Variants in DGKD observed in about 807,000 individuals in gnomAD.
The protein encoded by DGKD is diacylglycerol kinase delta, also known as DAG kinase delta.
Under a neutral mutation model 154.4 loss-of-function variants are expected in DGKD, and 68 were observed. That is an observed-to-expected ratio of 0.44 (90% CI 0.36 to 0.54). The LOEUF (loss-of-function observed/expected upper bound fraction) is 0.54, where lower values mean the gene tolerates loss of function less well. DGKD is among the 20% of genes least tolerant of loss of function. The pLI is 0.00. For synonymous variants in DGKD, 693 were observed against 638.0 expected (o/e 1.09, Z -1.30); for missense variants, 1,343 against 1,593.6 (o/e 0.84, Z 2.68).
At chr2:233,377,341 C>T (rs747598932) in intron 1 of DGKD, among the ~76,000 whole-genome samples, 3 of 152,224 alleles carry the variant, frequency 2.0e-5, no homozygotes, top group Non-Finnish European at 2.9e-5. Context: ...GCTTCGGCCT[C>T]CCAAAGTGCT....
At position 233,354,901 on chromosome 2, in the gene DGKD, G is replaced by T. The variant is rs1407382618; in HGVS notation, c.156+227G>T. On this transcript the variant is annotated intron_variant, in intron 1 of 29. Coordinates refer to ENST00000264057, the MANE Select transcript of DGKD (RefSeq NM_152879.3). The surrounding 1 kb of genome is among the most constrained non-coding windows in gnomAD (Gnocchi z 4.8). ...GGCGGGCGGCTGTGGGGCCGGGCGG[G>T]GGGCGCGCAGGTGGGCGCCCCGGGC... Among the ~76,000 whole-genome samples the T allele has an allele frequency of 1.4e-5, 2 of 145,158 alleles. No homozygotes were observed. The highest frequency in any genetic ancestry group is 6.8e-5 in the Admixed American group (1 of 14,686).
intron 3 of DGKD, among the ~76,000 whole-genome samples, chr2:233,400,342 T>A (rs1324328056): frequency 6.6e-6 from 1 of 152,172 alleles, no homozygotes; most frequent in African/African-American, 2.4e-5. Flanking sequence ...GCCAGGTCCC[T>A]CGGAGGGCAG....
intron 3 of DGKD, among the ~76,000 whole-genome samples, chr2:233,393,956 G>A (rs1417107309): frequency 6.6e-6 from 1 of 152,158 alleles, no homozygotes; most frequent in Non-Finnish European, 1.5e-5. Flanking sequence ...GATTACAGGT[G>A]TGAGCCACCT....
At chr2:233,400,918 G>A (rs146537049) in intron 3 of DGKD, among the ~76,000 whole-genome samples, 54 of 152,174 alleles carry the variant, frequency 3.5e-4, no homozygotes, top group African/African-American at 1.3e-3. Flanking sequence ...TTTATGCTAC[G>A]CGGTATTTCC....
chr2:233,456,601 G>A (rs1052629543), intron 19 of DGKD, among the ~76,000 whole-genome samples: 1 of 152,134 alleles, frequency 6.6e-6, no homozygotes, highest in African/African-American at 2.4e-5. Context: ...AAATCAGGAT[G>A]TGTAGAAGTT....
At chr2:233,409,868 G>T (rs1390747867) in intron 3 of DGKD, among the ~76,000 whole-genome samples, 1 of 149,766 alleles carries the variant, frequency 6.7e-6, no homozygotes, top group Admixed American at 6.7e-5. Flanking sequence ...GTGCAGAAGG[G>T]TTGGCCCTGC....
At chr2:233,375,584 C>A (rs916357009) in intron 1 of DGKD, among the ~76,000 whole-genome samples, 1 of 152,008 alleles carries the variant, frequency 6.6e-6, no homozygotes, top group African/African-American at 2.4e-5. Flanking sequence ...CTGTTTGGTG[C>A]CTTGCCCTCT....
chr2:233,439,628 C>A (rs2062823483), intron 9 of DGKD, among the ~76,000 whole-genome samples: 2 of 152,182 alleles, frequency 1.3e-5, no homozygotes, highest in South Asian at 4.1e-4. Context: ...CTGGTGCAAT[C>A]CTGGCTCACA....
intron 1 of DGKD, among the ~76,000 whole-genome samples, chr2:233,357,919 C>T (rs1574969033): frequency 6.6e-6 from 1 of 152,298 alleles, no homozygotes; most frequent in South Asian, 2.1e-4. Context: ...GACCTTATGG[C>T]ACACATGTAA....
rs34388122 is a variant in DGKD, at chr2:233,401,919, C to CAA, written c.348+11463_348+11464dup. 9.3e-4 allele frequency among the ~76,000 whole-genome samples: 51 copies of CAA among 54,802 alleles called. 4 individuals are homozygous for CAA. The highest frequency in any genetic ancestry group is 4.0e-3 in the East Asian group (6 of 1,502). The allele number at this position is 54,802 out of a possible 152,430, so 36.0% of individuals were successfully genotyped here. ...TGGGCGACAGAGTGAGACTCTGTCTCAAAAAAAAAAAAAAAAAAAAAAAAA... is the reference window on the plus strand; with the variant it reads ...TGGGCGACAGAGTGAGACTCTGTCTCAAAAAAAAAAAAAAAAAAAAAAAAAAA... On this transcript the variant is annotated intron_variant, in intron 3 of 29. Coordinates refer to ENST00000264057, the MANE Select transcript of DGKD (RefSeq NM_152879.3).
At chr2:233,465,473 C>G (rs2063796041) in intron 27 of DGKD, among the ~76,000 whole-genome samples, 2 of 152,066 alleles carry the variant, frequency 1.3e-5, no homozygotes, top group Admixed American at 1.3e-4. Context: ...TTTTTAGGGT[C>G]AAGAGTGGTG....
intron 29 of DGKD, among the ~76,000 whole-genome samples, chr2:233,469,025 T>A (rs111844246): frequency 2.6e-3 from 400 of 152,338 alleles, no homozygotes; most frequent in African/African-American, 9.0e-3. Flanking sequence ...CCCCTGGGTG[T>A]TGAATCACTG....
intron 1 of DGKD, among the ~76,000 whole-genome samples, chr2:233,364,521 T>TTA (rs1701932570): frequency 1.3e-5 from 2 of 152,286 alleles, no homozygotes; most frequent in African/African-American, 4.8e-5. Flanking sequence ...GAGTAGAACT[T>TTA]TTCTAAAGTC....
chr2:233,424,605 A>T (rs997105486), intron 3 of DGKD, among the ~76,000 whole-genome samples: 2 of 152,132 alleles, frequency 1.3e-5, no homozygotes, highest in Admixed American at 1.3e-4. Context: ...CCTCCGGCCC[A>T]CTGGCCCTGG....
At chr2:233,443,836 C>T (rs930588105) in intron 10 of DGKD, among the ~76,000 whole-genome samples, 4 of 152,220 alleles carry the variant, frequency 2.6e-5, no homozygotes, top group Non-Finnish European at 5.9e-5. Flanking sequence ...GATTTTCATA[C>T]GTTCAGCCAA....
chr2:233,440,142 C>T lies in DGKD; in HGVS notation c.1086-1745C>T, dbSNP rs866844436. Among the ~76,000 whole-genome samples, 1 of 152,112 alleles carries T rather than the reference C, an allele frequency of 6.6e-6. No homozygotes were observed. The highest frequency in any genetic ancestry group is 2.4e-5 in the African/African-American group (1 of 41,422). On this transcript the variant is annotated intron_variant, in intron 9 of 29. Coordinates refer to ENST00000264057, the MANE Select transcript of DGKD (RefSeq NM_152879.3). This position sits in a 1 kb window ranked among gnomAD's most constrained non-coding sequence, Gnocchi z 4.9. The stretch of plus-strand genomic sequence containing the variant: ...ATGATTTAGGAAGCCCCCACAGCGG[C>T]GTAAGGGGAGTTGAGTCGTCATTTA...
At position 233,445,904 on chromosome 2, in the gene DGKD, G is replaced by T; in HGVS notation, c.1334+142G>T. 9.5e-7 allele frequency: 1 copy of T among 1,057,678 alleles called. No homozygotes were observed. The highest frequency in any genetic ancestry group is 1.3e-6 in the Non-Finnish European group (1 of 770,364). 65.5% of individuals were successfully genotyped at this position (1,057,678 alleles called of 1,614,324 possible). Reference sequence around the variant, plus strand: ...AAGATTTGACCTGAGTATATATTCGGATAGTCTTTGATATTTGGTCAGATT... The same window carrying T: ...AAGATTTGACCTGAGTATATATTCGTATAGTCTTTGATATTTGGTCAGATT... On this transcript the variant is annotated intron_variant, in intron 11 of 29. Coordinates refer to ENST00000264057, the MANE Select transcript of DGKD (RefSeq NM_152879.3). This position sits in a 1 kb window ranked among gnomAD's most constrained non-coding sequence, Gnocchi z 5.5.
intron 27 of DGKD, among the ~76,000 whole-genome samples, chr2:233,466,263 TGATA>T (rs1377694463): frequency 3.3e-5 from 5 of 151,868 alleles, no homozygotes; most frequent in African/African-American, 9.7e-5. Context: ...TTTGTCTTCT[TGATA>T]GATCAGTTAA....
intron 1 of DGKD, among the ~76,000 whole-genome samples, chr2:233,364,633 G>A (rs948675920): frequency 6.6e-6 from 1 of 152,180 alleles, no homozygotes; most frequent in Non-Finnish European, 1.5e-5. Context: ...TTGTGATAGT[G>A]TGTGATAGCT....
Sources: gnomAD v4.1 joint callset for allele counts (sites outside exome capture counted in the v4.1 genomes callset) on GRCh38, gnomAD v4.1.1 for gene constraint, Gnocchi (gnomAD v3.1) non-coding constraint, MANE v1.5 for transcripts, NCBI Gene and HGNC (gene_info 2026-07-23, HGNC 2026-07-21) for gene names.